The following KIAA1755 variants were observed in gnomAD, a reference collection of about 807,000 sequenced individuals.
KIAA1755 encodes uncharacterized protein KIAA1755.
A neutral mutation model predicts 91.7 loss-of-function variants in KIAA1755; 68 were observed. The observed-to-expected ratio is 0.74, with a 90% CI of 0.61 to 0.91. The LOEUF (loss-of-function observed/expected upper bound fraction) is 0.91, where lower values mean the gene tolerates loss of function less well. Ranked by LOEUF, KIAA1755 falls within the 40% of genes least tolerant of loss-of-function variation. The pLI is 0.00. For missense variants in KIAA1755, 1,535 were observed against 1,494.4 expected, an observed-to-expected ratio of 1.03 and a Z score of -0.45; for synonymous variants, 610 against 604.6, an observed-to-expected ratio of 1.01 and a Z score of -0.13.
At position 38,213,731 on chromosome 20, in the gene KIAA1755, G is replaced by A. The variant is rs2075495255; in HGVS notation, c.2914C>T (p.His972Tyr). 2 of 1,476,782 alleles carry A rather than the reference G, an allele frequency of 1.4e-6. No homozygotes were observed. The highest frequency in any genetic ancestry group is 1.4e-5 in the South Asian group (1 of 72,074). The allele number at this position is 1,476,782 out of a possible 1,614,324, so 91.5% of individuals were successfully genotyped here. A position where few individuals can be genotyped will look rare whatever the true frequency, so the allele number is the denominator to read the frequency against. Reference sequence around the variant, plus strand: ...GCCATCAGGTCCTGACAGTCCATGTGGAACCAGGTCATCTGGGGGACAAGA... The same window carrying A: ...GCCATCAGGTCCTGACAGTCCATGTAGAACCAGGTCATCTGGGGGACAAGA... ...HRFCKRMTWF[H>Y]MDCQDLMAQL... Residue 972 changes from histidine to tyrosine, a missense_variant, in exon 14 of 14, where the codon CAC (histidine) becomes TAC (tyrosine). Physicochemically the swap from His to Tyr is moderately conservative, Grantham distance 83. Coordinates refer to ENST00000279024, the MANE Select transcript of KIAA1755 (RefSeq NM_001029864.2).
intron 2 of KIAA1755, among the ~76,000 whole-genome samples, chr20:38,245,692 T>C (rs554515674): frequency 1.3e-5 from 2 of 152,190 alleles, no homozygotes; most frequent in South Asian, 2.1e-4. Context: ...TCAGGCCTTC[T>C]TCTCTGCTGG....
Position 38,223,695 on chromosome 20 carries a change from T to C in KIAA1755, c.2170-59A>G. ...CCCAGGCCAACCAGGAGGATGCCTC[T>C]TGCATCTCAGGAGCACAGAGGGGAG... On this transcript the variant is annotated intron_variant, in intron 8 of 13. Transcript: ENST00000279024. The C allele has an allele frequency of 5.3e-6, 7 of 1,323,770 alleles. No individual in the cohort carries two copies. In the South Asian group the frequency reaches 6.4e-5, roughly 12 times the overall value. The allele number at this position is 1,323,770 out of a possible 1,614,324, so 82.0% of individuals were successfully genotyped here. A position where few individuals can be genotyped will look rare whatever the true frequency, so the allele number is the denominator to read the frequency against.
chr20:38,244,095 T>C (rs936758897), intron 2 of KIAA1755, among the ~76,000 whole-genome samples: 1 of 152,180 alleles, frequency 6.6e-6, no homozygotes, highest in African/African-American at 2.4e-5. Context: ...ATCATTACAA[T>C]TAGATTAAAC....
At chr20:38,260,281 C>T (rs1189943372) in intron 1 of KIAA1755, 1 of 1,549,138 alleles carries the variant, frequency 6.5e-7, no homozygotes, top group Non-Finnish European at 8.7e-7. Context: ...CATCCATACA[C>T]ACACATGGAG....
intron 2 of KIAA1755, among the ~76,000 whole-genome samples, chr20:38,245,338 G>C (rs774721839): frequency 2.0e-5 from 3 of 152,254 alleles, no homozygotes; most frequent in Non-Finnish European, 2.9e-5. Flanking sequence ...GGGACAGAAA[G>C]GATCTTCAAG....
At chr20:38,254,980 C>T (rs1165234821) in intron 1 of KIAA1755, among the ~76,000 whole-genome samples, 1 of 151,778 alleles carries the variant, frequency 6.6e-6, no homozygotes, top group Non-Finnish European at 1.5e-5. Flanking sequence ...AGTTCGAGAC[C>T]AGCCTGGCCA....
intron 1 of KIAA1755, 66 bp downstream of exon 1, chr20:38,260,432 G>C: frequency 6.4e-7 from 1 of 1,564,004 alleles, no homozygotes; most frequent in East Asian, 2.3e-5. Flanking sequence ...TGTTCTGCAG[G>C]GAATGGGGAG....
chr20:38,252,400 T>A (rs557474909), intron 1 of KIAA1755, among the ~76,000 whole-genome samples: 245 of 152,228 alleles, frequency 1.6e-3, no homozygotes, highest in Non-Finnish European at 2.7e-3. Flanking sequence ...GTCCCCTACT[T>A]GCATTCTCTT....
chr20:38,225,665 C>T lies in KIAA1755; in HGVS notation c.2169G>A (p.Gln723=). 6.3e-7 allele frequency: 1 copy of T among 1,599,480 alleles called. No homozygotes were observed. The highest frequency in any genetic ancestry group is 1.7e-5 in the Admixed American group (1 of 59,980). ...GGCTAAAGGCTGTGACGGTAAACACCTGGAAGAAATGAACCCACTCGGTGT... is the reference window on the plus strand; with the variant it reads ...GGCTAAAGGCTGTGACGGTAAACACTTGGAAGAAATGAACCCACTCGGTGT... ...YCHTEWVHFF[Q]KLDPFLADLH... Residue 723 remains glutamine, a splice_region_variant and synonymous_variant, in exon 8 of 14, where the codon CAG becomes CAA. Coordinates refer to ENST00000279024, the MANE Select transcript of KIAA1755 (RefSeq NM_001029864.2).
At chr20:38,246,251 C>A (rs1297777624) in intron 1 of KIAA1755, 125 bp from the exon 2 acceptor site, 9 of 735,632 alleles carry the variant, frequency 1.2e-5, no homozygotes, top group African/African-American at 3.5e-5. Flanking sequence ...TCTCCTACCC[C>A]ACCCCCCTCA....
intron 10 of KIAA1755, among the ~76,000 whole-genome samples, chr20:38,221,765 T>C (rs143636854): frequency 6.6e-6 from 1 of 152,354 alleles, no homozygotes; most frequent in East Asian, 1.9e-4. Flanking sequence ...TGACTTTGAA[T>C]ATAAGTAGCT....
chr20:38,237,085 G>A (rs900187921), intron 4 of KIAA1755: 7 of 151,390 alleles, frequency 4.6e-5, no homozygotes, highest in African/African-American at 1.5e-4. Flanking sequence ...GATGCCAGCA[G>A]GTAGGTGAAT....
At chr20:38,215,670 C>T (rs1018227562) in intron 13 of KIAA1755, among the ~76,000 whole-genome samples, 1 of 152,156 alleles carries the variant, frequency 6.6e-6, no homozygotes, top group Non-Finnish European at 1.5e-5. Context: ...GCTGAGGGAA[C>T]AGCACGTGCA....
Position 38,240,698 on chromosome 20 carries a change from C to T in KIAA1755, c.1433G>A (p.Gly478Glu), listed in dbSNP as rs147929896. 1.8e-4 allele frequency: 276 copies of T among 1,564,526 alleles called. 1 individual carries two copies. The highest frequency in any genetic ancestry group is 1.7e-3 in the African/African-American group (122 of 73,400). ...TPGLKFSFLR[G>E]QRQPSVTPEK... ...CGGGGTCACAGAGGGTTGCCTCTGC[C>T]CTCTCAAGAATGAGAATTTGAGCCC... Residue 478 changes from glycine (G) to glutamate (E), a missense_variant, in exon 3 of 14, where the codon GGG becomes GAG. Physicochemically the swap from Gly to Glu is moderately conservative, Grantham distance 98. Transcript: ENST00000279024.
intron 4 of KIAA1755, among the ~76,000 whole-genome samples, chr20:38,237,360 A>C (rs1305216113): frequency 4.6e-5 from 7 of 151,988 alleles, no homozygotes; most frequent in African/African-American, 1.7e-4. Context: ...CAACACAATT[A>C]GCCTGCACAA....
chr20:38,232,570 G>C (rs142707972), intron 4 of KIAA1755, among the ~76,000 whole-genome samples: 18 of 151,352 alleles, frequency 1.2e-4, no homozygotes, highest in African/African-American at 3.9e-4. Context: ...GGAGCTTGCA[G>C]TGAGCCGAGA....
Position 38,214,215 on chromosome 20 carries a change from T to A in KIAA1755, c.2902-472A>T, listed in dbSNP as rs1001658878. ...ATCCACCCGCCGCAGCCTCCCAAAG[T>A]GCTGGGATTATAGGCATGACCCACT... On this transcript the variant is annotated intron_variant, in intron 13 of 13. Coordinates refer to ENST00000279024, the MANE Select transcript of KIAA1755 (RefSeq NM_001029864.2). Among the ~76,000 whole-genome samples the A allele has an allele frequency of 1.3e-5, 2 of 152,250 alleles. 1 individual carries two copies. Among genetic ancestry groups the A allele is most frequent in the South Asian group, 4.1e-4 (2 of 4,822 alleles).
chr20:38,258,090 G>A (rs1370521260), intron 1 of KIAA1755, among the ~76,000 whole-genome samples: 3 of 151,876 alleles, frequency 2.0e-5, no homozygotes, highest in African/African-American at 4.8e-5. Flanking sequence ...CAGTAGAGAC[G>A]GGGTTTCACC....
At chr20:38,232,198 C>T (rs1041344142) in intron 4 of KIAA1755, among the ~76,000 whole-genome samples, 4 of 152,212 alleles carry the variant, frequency 2.6e-5, no homozygotes, top group Non-Finnish European at 5.9e-5. Context: ...CCCTCTGCAG[C>T]GTGCAAAACC....
Sources: allele counts gnomAD v4.1 joint callset (sites outside exome capture counted in the v4.1 genomes callset), GRCh38; gene constraint gnomAD v4.1.1; transcripts MANE v1.5; gene names NCBI Gene and HGNC (gene_info 2026-07-23, HGNC 2026-07-21).